TMTC1: variants seen among roughly 807,000 people sequenced by gnomAD.
TMTC1 encodes transmembrane O-mannosyltransferase targeting cadherins 1.
Under a neutral mutation model 104.8 loss-of-function variants are expected in TMTC1, and 73 were observed. The ratio of observed to expected loss-of-function variants is 0.70; its 90% CI spans 0.58 to 0.85. TMTC1 has a LOEUF of 0.85. Ranked by LOEUF, TMTC1 falls within the 40% of genes least tolerant of loss-of-function variation. TMTC1 has a pLI of 0.00. For missense variants in TMTC1, 1,035 were observed against 1,096.1 expected, an observed-to-expected ratio of 0.94 and a Z score of 0.79; for synonymous variants, 434 against 428.7, an observed-to-expected ratio of 1.01 and a Z score of -0.15.
At chr12:29,784,210 T>TC, upstream of TMTC1, 1 of 152,504 alleles carries the variant, frequency 6.6e-6, no homozygotes, top group South Asian at 2.1e-4. Context: ...CCCATCCTTC[T>TC]CCCCCGAATG....
chr12:29,680,703 G>A (rs951363217), intron 5 of TMTC1, among the ~76,000 whole-genome samples: 1 of 152,176 alleles, frequency 6.6e-6, no homozygotes, highest in African/African-American at 2.4e-5. Flanking sequence ...AATTGGGTAT[G>A]TCTCTTATGT....
chr12:29,530,776 G>A (rs1055732832), intron 11 of TMTC1, among the ~76,000 whole-genome samples: 2 of 152,236 alleles, frequency 1.3e-5, no homozygotes, highest in South Asian at 2.1e-4. Context: ...TTCCAAATTT[G>A]TAGATCTCAT....
At chr12:29,613,863 G>C (rs1276038743) in intron 6 of TMTC1, 3 of 757,552 alleles carry the variant, frequency 4.0e-6, no homozygotes, top group Admixed American at 1.2e-4. Flanking sequence ...TTTCTGTTAA[G>C]AAAGTGACAA....
intron 7 of TMTC1, among the ~76,000 whole-genome samples, chr12:29,584,228 T>C (rs2050919050): frequency 1.3e-5 from 2 of 152,156 alleles, no homozygotes; most frequent in South Asian, 2.1e-4. Flanking sequence ...AGTAGCACTT[T>C]GTATATCAGC....
chr12:29,613,940 A>C (rs1946911855), intron 6 of TMTC1: 2 of 982,222 alleles, frequency 2.0e-6, no homozygotes. Flanking sequence ...TCCACTTGGA[A>C]TTGTCATACA....
chr12:29,641,896 C>T (rs966898932), intron 5 of TMTC1, among the ~76,000 whole-genome samples: 2 of 152,204 alleles, frequency 1.3e-5, no homozygotes, highest in African/African-American at 4.8e-5. Context: ...TAAGAAAAAG[C>T]AATCAAAACT....
intron 8 of TMTC1, among the ~76,000 whole-genome samples, chr12:29,579,776 C>A (rs1441538365): frequency 6.6e-6 from 1 of 152,170 alleles, no homozygotes; most frequent in African/African-American, 2.4e-5. Flanking sequence ...CATAAAACAG[C>A]TTCTTACTGT....
At chr12:29,564,976 G>A (rs536481118) in intron 9 of TMTC1, among the ~76,000 whole-genome samples, 17 of 152,228 alleles carry the variant, frequency 1.1e-4, no homozygotes, top group Admixed American at 6.5e-5. Flanking sequence ...AAATGAGCAG[G>A]GTAGTAAAAG....
intron 5 of TMTC1, among the ~76,000 whole-genome samples, chr12:29,688,170 C>T (rs1941154745): frequency 6.6e-6 from 1 of 152,130 alleles, no homozygotes; most frequent in Non-Finnish European, 1.5e-5. Flanking sequence ...TTGTGATGTG[C>T]TCAAGTAGCA....
intron 5 of TMTC1, among the ~76,000 whole-genome samples, chr12:29,672,171 C>G (rs554959016): frequency 6.6e-6 from 1 of 152,198 alleles, no homozygotes. Context: ...CATGATTTCA[C>G]CCAGGCAGTT....
rs1203195606 is a variant in TMTC1 at position 29,502,494 on chromosome 12, A to C, written c.*4352T>G. 1.3e-5 allele frequency: 2 copies of C among 152,156 alleles called. No homozygotes were observed. Among genetic ancestry groups the C allele is most frequent in the Admixed American group, 1.3e-4 (2 of 15,272 alleles). The allele number at this position is 152,156 out of a possible 1,614,324, so 9.4% of individuals were successfully genotyped here. A position where few individuals can be genotyped will look rare whatever the true frequency, so the allele number is the denominator to read the frequency against. Reference sequence around the variant, plus strand: ...AAATATCAGTCATATATATACTGGCACTTAGTCTGGTACATGCAAATTTCA... The same window carrying C: ...AAATATCAGTCATATATATACTGGCCCTTAGTCTGGTACATGCAAATTTCA... On this transcript the variant is annotated 3_prime_UTR_variant, in exon 18 of 18. Coordinates refer to ENST00000539277, the MANE Select transcript of TMTC1 (RefSeq NM_001193451.2).
intron 13 of TMTC1, among the ~76,000 whole-genome samples, chr12:29,517,996 T>C (rs1944039814): frequency 6.6e-6 from 1 of 152,180 alleles, no homozygotes; most frequent in Non-Finnish European, 1.5e-5. Flanking sequence ...ATTACAGGCA[T>C]GAGCCACCGC....
intron 10 of TMTC1, among the ~76,000 whole-genome samples, chr12:29,540,624 T>C (rs574142955): frequency 2.1e-4 from 32 of 152,078 alleles, no homozygotes; most frequent in Non-Finnish European, 4.0e-4. Context: ...TACTTTTTTT[T>C]CCCCAATTCA....
intron 5 of TMTC1, among the ~76,000 whole-genome samples, chr12:29,740,394 C>A (rs1448936654): frequency 6.6e-6 from 1 of 152,080 alleles, no homozygotes; most frequent in Non-Finnish European, 1.5e-5. Flanking sequence ...ATAAAGCAGG[C>A]AGAAAAGCAT....
intron 11 of TMTC1, among the ~76,000 whole-genome samples, chr12:29,528,662 G>A (rs1944414202): frequency 6.6e-6 from 1 of 152,134 alleles, no homozygotes; most frequent in Non-Finnish European, 1.5e-5. Flanking sequence ...TTATAGTTCA[G>A]GTTCCAATAA....
chr12:29,713,251 C>T (rs530231040), intron 5 of TMTC1, among the ~76,000 whole-genome samples: 1 of 151,304 alleles, frequency 6.6e-6, no homozygotes, highest in African/African-American at 2.4e-5. Flanking sequence ...TTGCCAGCCT[C>T]CACCTAAATA....
At chr12:29,585,786 C>A (rs546568803) in intron 7 of TMTC1, among the ~76,000 whole-genome samples, 1 of 152,090 alleles carries the variant, frequency 6.6e-6, no homozygotes, top group East Asian at 1.9e-4. Context: ...CCATTCTGTT[C>A]CATTGGTCTA....
intron 4 of TMTC1, among the ~76,000 whole-genome samples, chr12:29,754,945 G>T (rs1388983352): frequency 1.3e-5 from 2 of 152,114 alleles, no homozygotes; most frequent in Admixed American, 6.5e-5. Flanking sequence ...ATTTGATACG[G>T]CAGGGGAATA....
chr12:29,765,282 C>T (rs892581243), intron 2 of TMTC1, among the ~76,000 whole-genome samples: 2 of 152,058 alleles, frequency 1.3e-5, no homozygotes, highest in African/African-American at 4.8e-5. Context: ...TAGATATCGA[C>T]ATTTCAAAAT....
Sources: allele counts gnomAD v4.1 joint callset (sites outside exome capture counted in the v4.1 genomes callset), GRCh38; gene constraint gnomAD v4.1.1; transcripts MANE v1.5; gene names NCBI Gene and HGNC (gene_info 2026-07-23, HGNC 2026-07-21).